Variants in FAM151B observed in about 807,000 individuals in gnomAD.
FAM151B encodes the protein protein FAM151B.
A neutral mutation model predicts 31.2 loss-of-function variants in FAM151B; 24 were observed. The ratio of observed to expected loss-of-function variants is 0.77; its 90% CI spans 0.56 to 1.08. FAM151B has a LOEUF of 1.08. FAM151B is among the 50% of genes least tolerant of loss of function. FAM151B has a pLI of 0.00. For missense variants in FAM151B, 293 were observed against 328.6 expected, an observed-to-expected ratio of 0.89 and a Z score of 0.84; for synonymous variants, 105 against 111.4, an observed-to-expected ratio of 0.94 and a Z score of 0.36.
At chr5:80,536,201 C>T (rs541660216) in intron 5 of FAM151B, among the ~76,000 whole-genome samples, 1 of 152,206 alleles carries the variant, frequency 6.6e-6, no homozygotes, top group African/African-American at 2.4e-5. Context: ...GATGGAGTCT[C>T]ACTGGGTTGC....
At chr5:80,490,293 G>A (rs1450925931) in intron 1 of FAM151B, among the ~76,000 whole-genome samples, 1 of 152,110 alleles carries the variant, frequency 6.6e-6, no homozygotes, top group Non-Finnish European at 1.5e-5. Flanking sequence ...CTCAGGAGGA[G>A]ACTGAGGCGG....
chr5:80,531,770 C>T (rs1320512918), intron 5 of FAM151B, among the ~76,000 whole-genome samples: 4 of 152,158 alleles, frequency 2.6e-5, no homozygotes, highest in Non-Finnish European at 5.9e-5. Flanking sequence ...GAAATAGAAA[C>T]ACTTTTACAC....
intron 5 of FAM151B, among the ~76,000 whole-genome samples, chr5:80,536,031 A>G (rs1005592309): frequency 6.6e-6 from 1 of 152,222 alleles, no homozygotes; most frequent in Non-Finnish European, 1.5e-5. Context: ...CAAAGCTACG[A>G]TGAGATATCA....
At chr5:80,529,615 C>G (rs1019841709) in intron 5 of FAM151B, among the ~76,000 whole-genome samples, 4 of 152,090 alleles carry the variant, frequency 2.6e-5, no homozygotes, top group Non-Finnish European at 5.9e-5. Flanking sequence ...AACACCTCTA[C>G]GCAAATAAAC....
At chr5:80,491,781 C>T (rs962422817) in intron 1 of FAM151B, among the ~76,000 whole-genome samples, 2 of 152,290 alleles carry the variant, frequency 1.3e-5, no homozygotes, top group Middle Eastern at 3.4e-3. Context: ...CAGGTTTCTT[C>T]GTTTGTCGAA....
intron 5 of FAM151B, among the ~76,000 whole-genome samples, chr5:80,527,807 A>C (rs532811768): frequency 1.0e-3 from 154 of 152,328 alleles, no homozygotes; most frequent in African/African-American, 3.6e-3. Context: ...TAAACTGTGT[A>C]CTTAGACCAT....
In FAM151B at chr5:80,542,122, T is replaced by C. The variant is rs139154523; in HGVS notation, c.*290T>C. ...AATAGTTTTGATAAACTAAAGATGATTGGCAGAATCCATATGTCATAAAAC... is the reference window on the plus strand; with the variant it reads ...AATAGTTTTGATAAACTAAAGATGACTGGCAGAATCCATATGTCATAAAAC... On this transcript the variant is annotated 3_prime_UTR_variant, in exon 6 of 6. Transcript: ENST00000282226. 7.5e-5 allele frequency: 22 copies of C among 294,426 alleles called. No homozygotes were observed. The highest frequency in any genetic ancestry group is 4.9e-4 in the African/African-American group (22 of 45,214). The allele number at this position is 294,426 out of a possible 1,614,324, so 18.2% of individuals were successfully genotyped here. A position where few individuals can be genotyped will look rare whatever the true frequency, so the allele number is the denominator to read the frequency against.
At chr5:80,510,859 C>T (rs1256250197) in intron 2 of FAM151B, 1 of 152,188 alleles carries the variant, frequency 6.6e-6, no homozygotes, top group African/African-American at 2.4e-5. Flanking sequence ...TAAATTAAAG[C>T]TGCATTTGCA....
At chr5:80,492,144 C>G (rs1458815220) in intron 1 of FAM151B, among the ~76,000 whole-genome samples, 1 of 151,006 alleles carries the variant, frequency 6.6e-6, no homozygotes, top group Non-Finnish European at 1.5e-5. Context: ...TTTTATTGTA[C>G]TTCACTTTAT....
At chr5:80,528,619 T>C (rs563268462) in intron 5 of FAM151B, among the ~76,000 whole-genome samples, 47 of 151,852 alleles carry the variant, frequency 3.1e-4, no homozygotes, top group African/African-American at 1.1e-3. Context: ...TAGCTGGGTG[T>C]GGTGGCATGT....
chr5:80,536,533 C>G (rs1358587487), intron 5 of FAM151B, among the ~76,000 whole-genome samples: 2 of 152,070 alleles, frequency 1.3e-5, no homozygotes, highest in Non-Finnish European at 2.9e-5. Flanking sequence ...ATCCAGCAAT[C>G]CCACTGCTCG....
At chr5:80,515,299 G>A (rs1377329430) in intron 3 of FAM151B, among the ~76,000 whole-genome samples, 1 of 152,042 alleles carries the variant, frequency 6.6e-6, no homozygotes, top group Non-Finnish European at 1.5e-5. Context: ...GTTATCAATG[G>A]TTCAATTTCA....
chr5:80,522,014 A>G lies in FAM151B; in HGVS notation c.547A>G (p.Thr183Ala). 6.3e-7 allele frequency: 1 copy of G among 1,584,314 alleles called. No individual in the cohort carries two copies. Among genetic ancestry groups the G allele is most frequent in the Non-Finnish European group, 8.6e-7 (1 of 1,158,798 alleles). ...PEKVNEGYSW[T>A]MVKEMEYICN... ...TCTTTTCTTTTAAGGGTACAGTTGG[A>G]CAATGGTGAAAGAGATGGAATATAT... The change falls in exon 5 of 6, where the codon ACA (threonine) becomes GCA (alanine). Residue 183 changes from threonine to alanine, a missense_variant. By Grantham distance (58) the Thr-to-Ala change is moderately conservative. Transcript: ENST00000282226.
intron 2 of FAM151B, 46 bp from the exon 3 acceptor site, chr5:80,513,558 G>C: frequency 6.4e-7 from 1 of 1,566,694 alleles, no homozygotes; most frequent in Non-Finnish European, 8.7e-7. Flanking sequence ...CTGTAGTTCT[G>C]TGCCCTGTTT....
At chr5:80,527,293 C>T (rs1029527399) in intron 5 of FAM151B, among the ~76,000 whole-genome samples, 1 of 151,932 alleles carries the variant, frequency 6.6e-6, no homozygotes, top group Non-Finnish European at 1.5e-5. Context: ...TGTGGTGGCA[C>T]ACGTCTGTAA....
intron 3 of FAM151B, among the ~76,000 whole-genome samples, chr5:80,514,424 G>A (rs528378614): frequency 6.6e-6 from 1 of 151,070 alleles, no homozygotes; most frequent in Admixed American, 6.6e-5. Flanking sequence ...GCAGTGAGCC[G>A]AGATCACGCC....
chr5:80,507,768 T>C (rs1580423987), intron 2 of FAM151B, among the ~76,000 whole-genome samples: 1 of 152,206 alleles, frequency 6.6e-6, no homozygotes, highest in Non-Finnish European at 1.5e-5. Context: ...CTGAAGGGCC[T>C]GCACAGACTG....
At chr5:80,538,513 TTTCCTTCCTTCC>T (rs60106370) in intron 5 of FAM151B, among the ~76,000 whole-genome samples, 1,553 of 61,494 alleles carry the variant, frequency 0.025, 46 homozygotes, top group East Asian at 0.062. Context: ...CTTTTCTTTC[TTTCCTTCCTTCC>T]TTCCTTCCTT....
At chr5:80,537,461 G>T (rs1745568782) in intron 5 of FAM151B, among the ~76,000 whole-genome samples, 1 of 152,230 alleles carries the variant, frequency 6.6e-6, no homozygotes, top group African/African-American at 2.4e-5. Context: ...CAGATTTTGT[G>T]TGTGTGTACG....
Sources: allele counts gnomAD v4.1 joint callset (sites outside exome capture counted in the v4.1 genomes callset), GRCh38; gene constraint gnomAD v4.1.1; transcripts MANE v1.5; gene names NCBI Gene and HGNC (gene_info 2026-07-23, HGNC 2026-07-21).